CDH13: variants seen among roughly 807,000 people sequenced by gnomAD.
CDH13 encodes cadherin-13.
A neutral mutation model predicts 63.8 loss-of-function variants in CDH13; 24 were observed. The observed-to-expected ratio is 0.38, with a 90% confidence interval of 0.27 to 0.53. The LOEUF is 0.53. Among genes scored for constraint, CDH13 ranks in the 20% least tolerant of loss-of-function variants. The probability of loss-of-function intolerance (pLI) is 0.85; values close to 1 mark genes in which losing one functional copy is unlikely to be tolerated. For synonymous variants in CDH13, 503 were observed against 355.3 expected (o/e 1.42, Z -4.67); for missense variants, 1,049 against 903.1 (o/e 1.16, Z -2.07).
At chr16:83,178,591 A>G (rs2038222279) in intron 4 of CDH13, among the ~76,000 whole-genome samples, 1 of 152,206 alleles carries the variant, frequency 6.6e-6, no homozygotes, top group South Asian at 2.1e-4. Context: ...TCAATTTTCC[A>G]TTTTTAAAAA....
intron 3 of CDH13, among the ~76,000 whole-genome samples, chr16:83,065,822 T>C (rs1453148615): frequency 6.6e-6 from 1 of 152,044 alleles, no homozygotes; most frequent in Non-Finnish European, 1.5e-5. Flanking sequence ...GGGTGGTAGA[T>C]GGAAGGGTGC....
chr16:82,661,347 C>T (rs1911922462), intron 1 of CDH13, among the ~76,000 whole-genome samples: 1 of 152,198 alleles, frequency 6.6e-6, no homozygotes, highest in Non-Finnish European at 1.5e-5. Context: ...TGGGGTGGAA[C>T]AGATAGGAAC....
intron 4 of CDH13, among the ~76,000 whole-genome samples, chr16:83,129,640 C>G (rs1451414047): frequency 6.6e-6 from 1 of 152,208 alleles, no homozygotes. Context: ...CCAGCAGTCA[C>G]TGGTGGAGGG....
chr16:83,714,700 G>A (rs958765907), intron 10 of CDH13, among the ~76,000 whole-genome samples: 1 of 152,100 alleles, frequency 6.6e-6, no homozygotes, highest in Non-Finnish European at 1.5e-5. Context: ...AGTTAAATGG[G>A]CAAAATGTTT....
chr16:83,565,248 C>T (rs12918351), intron 7 of CDH13, among the ~76,000 whole-genome samples: 116,789 of 151,510 alleles, frequency 0.77, 45,059 homozygotes, highest in Middle Eastern at 0.86. Flanking sequence ...AGTACCCTGA[C>T]CCCAGACTCC....
chr16:83,361,990 T>C (rs985391802), intron 6 of CDH13, among the ~76,000 whole-genome samples: 4 of 152,210 alleles, frequency 2.6e-5, no homozygotes, highest in African/African-American at 4.8e-5. Context: ...AGGAATTGCA[T>C]TGAATTCATA....
At chr16:83,495,820 GGTCAGAGTTTA>G (rs1285228983) in intron 7 of CDH13, among the ~76,000 whole-genome samples, 6 of 152,002 alleles carry the variant, frequency 3.9e-5, no homozygotes, top group Non-Finnish European at 8.8e-5. Context: ...GAAGAAAAAA[GGTCAGAGTTTA>G]GTCCTCATTA....
chr16:83,480,065 C>A (rs79864541), intron 6 of CDH13, among the ~76,000 whole-genome samples: 6,240 of 152,306 alleles, frequency 0.041, 420 homozygotes, highest in African/African-American at 0.14. Context: ...TGGCTCACAT[C>A]TGTAATCCCA....
At chr16:82,714,479 C>T (rs577670151) in intron 1 of CDH13, among the ~76,000 whole-genome samples, 15 of 151,856 alleles carry the variant, frequency 9.9e-5, no homozygotes, top group African/African-American at 3.4e-4. Context: ...TTTGAGAGGC[C>T]GAGGCTGGCA....
chr16:83,559,258 T>C (rs2075656911), intron 7 of CDH13, among the ~76,000 whole-genome samples: 1 of 152,178 alleles, frequency 6.6e-6, no homozygotes, highest in Non-Finnish European at 1.5e-5. Flanking sequence ...TCACATGTAG[T>C]ATGGTCTTTA....
At chr16:83,265,521 C>G (rs1018243169) in intron 5 of CDH13, among the ~76,000 whole-genome samples, 2 of 152,056 alleles carry the variant, frequency 1.3e-5, no homozygotes, top group African/African-American at 4.8e-5. Flanking sequence ...TCAACTTTAT[C>G]TTATGACCAC....
chr16:82,634,055 G>A (rs1205416768), intron 1 of CDH13, among the ~76,000 whole-genome samples: 1 of 152,332 alleles, frequency 6.6e-6, no homozygotes, highest in Non-Finnish European at 1.5e-5. Context: ...AGACACCAAT[G>A]AGCATCACCC....
chr16:83,037,678 C>T (rs1916985488), intron 3 of CDH13, among the ~76,000 whole-genome samples: 2 of 152,096 alleles, frequency 1.3e-5, no homozygotes, highest in Non-Finnish European at 1.5e-5. Flanking sequence ...AGTCAATGGA[C>T]AATGTGGGAC....
At chr16:83,216,304 T>C (rs2039506724) in intron 4 of CDH13, among the ~76,000 whole-genome samples, 1 of 149,220 alleles carries the variant, frequency 6.7e-6, no homozygotes, top group South Asian at 2.2e-4. Context: ...ATCTCTTTCA[T>C]AGCTTTGGCC....
rs562466286 is a variant in CDH13, at chr16:83,133,613, C to T, written c.483+8112C>T. 5.3e-5 allele frequency among the ~76,000 whole-genome samples: 8 copies of T among 152,174 alleles called. No individual in the cohort carries two copies. In the South Asian group the frequency reaches 1.5e-3, roughly 28 times the overall value. On this transcript the variant is annotated intron_variant, in intron 4 of 13. Coordinates refer to ENST00000567109, the MANE Select transcript of CDH13 (RefSeq NM_001257.5). ...TCCGGGGTTCAAGAGATTCTCATGC[C>T]TCAGCCTCCCTAATAGCTGAGATTA...
At chr16:83,713,825 A>G (rs556583257) in intron 10 of CDH13, among the ~76,000 whole-genome samples, 2 of 152,354 alleles carry the variant, frequency 1.3e-5, no homozygotes, top group East Asian at 3.9e-4. Context: ...ATGTGCCGTC[A>G]GGGTGGGGCT....
chr16:83,280,552 G>A (rs2089138918), intron 5 of CDH13, among the ~76,000 whole-genome samples: 1 of 152,190 alleles, frequency 6.6e-6, no homozygotes, highest in South Asian at 2.1e-4. Flanking sequence ...CCCTGTTAAT[G>A]TTGATATTTT....
At chr16:82,853,032 G>T (rs1049086813) in intron 1 of CDH13, among the ~76,000 whole-genome samples, 7 of 152,164 alleles carry the variant, frequency 4.6e-5, no homozygotes, top group African/African-American at 1.7e-4. Flanking sequence ...ATAAATGGAA[G>T]CTAAAAAGAA....
intron 1 of CDH13, among the ~76,000 whole-genome samples, chr16:82,710,806 A>G (rs1278631750): frequency 6.7e-6 from 1 of 149,664 alleles, no homozygotes; most frequent in Non-Finnish European, 1.5e-5. Flanking sequence ...CTATAAGTAT[A>G]TATGTATGTT....
Sources: allele counts gnomAD v4.1 joint callset (sites outside exome capture counted in the v4.1 genomes callset), GRCh38; gene constraint gnomAD v4.1.1; transcripts MANE v1.5; gene names NCBI Gene and HGNC (gene_info 2026-07-23, HGNC 2026-07-21).